CTDSP2: variants seen among roughly 807,000 people sequenced by gnomAD.
CTDSP2 encodes the protein CTD small phosphatase 2, also known as carboxy-terminal domain RNA polymerase II polypeptide A small phosphatase 2.
In CTDSP2, 9 loss-of-function variants were observed where a neutral mutation model predicts 31.6. The ratio of observed to expected loss-of-function variants is 0.28; its 90% confidence interval spans 0.17 to 0.50. The LOEUF is 0.50. Among genes scored for constraint, CTDSP2 ranks in the 20% least tolerant of loss-of-function variants. CTDSP2 has a pLI of 0.98. For missense variants in CTDSP2, 267 were observed against 348.5 expected (o/e 0.77, Z 1.86); for synonymous variants, 134 against 134.5 (o/e 1.00, Z 0.03).
At chr12:57,831,941 C>T (rs905038556) in intron 1 of CTDSP2, among the ~76,000 whole-genome samples, 3 of 152,150 alleles carry the variant, frequency 2.0e-5, no homozygotes, top group Non-Finnish European at 4.4e-5. Context: ...CTGCCAGTAC[C>T]CCCTGGAGAG....
At chr12:57,835,582 G>C (rs920472253) in intron 1 of CTDSP2, among the ~76,000 whole-genome samples, 1 of 152,174 alleles carries the variant, frequency 6.6e-6, no homozygotes, top group Non-Finnish European at 1.5e-5. Flanking sequence ...CGGACACCCA[G>C]CCCTCCTCTT....
intron 1 of CTDSP2, among the ~76,000 whole-genome samples, chr12:57,832,232 C>T (rs1956220200): frequency 6.6e-6 from 1 of 152,196 alleles, no homozygotes; most frequent in African/African-American, 2.4e-5. Flanking sequence ...TGGGGCTTTC[C>T]AGCAATTAGC....
At position 57,824,083 on chromosome 12, in the gene CTDSP2, C is replaced by G. The variant is rs761403823; in HGVS notation, c.511G>C (p.Asp171His). 2.5e-6 allele frequency: 4 copies of G among 1,613,792 alleles called. No homozygotes were observed. The highest frequency in any genetic ancestry group is 3.4e-6 in the Non-Finnish European group (4 of 1,179,934). The change falls in exon 7 of 8, where the codon GAC (aspartate) becomes CAC (histidine). Residue 171 changes from aspartate to histidine, a missense_variant. Asp to His is a moderately conservative substitution (Grantham distance 81). Around this residue, in one of 2 missense-constraint regions of CTDSP2, gnomAD observed 156 missense variants for 241.3 expected, o/e 0.65. Transcript: ENST00000398073. ...CGGTCCAGCAGGTCTGTCACAGGGT[C>G]GGCATACTAGGAGGAGAGAAGATGC... The part of the protein sequence containing the change: ...LFTASLAKYA[D>H]PVTDLLDRCG...
Position 57,823,551 on chromosome 12 carries a change from A to G in CTDSP2, c.*51T>C, listed in dbSNP as rs1321043943. 6.2e-7 allele frequency: 1 copy of G among 1,604,172 alleles called. No homozygotes were observed. The highest frequency in any genetic ancestry group is 8.5e-7 in the Non-Finnish European group (1 of 1,176,058). On this transcript the variant is annotated 3_prime_UTR_variant, in exon 8 of 8. Transcript: ENST00000398073. ...TCTGTCACGCTGATCGTAAAGGCAC[A>G]GTGTGGGAAAGTCCCCTACTGGGAT...
rs1388465654 is a variant in CTDSP2, at chr12:57,830,961, T to C, written c.65-1365A>G. Among the ~76,000 whole-genome samples the C allele has an allele frequency of 6.6e-5, 10 of 151,742 alleles. No homozygotes were observed. The East Asian group carries it at 2.0e-3, about 30-fold the overall frequency. On this transcript the variant is annotated intron_variant, in intron 1 of 7. Transcript: ENST00000398073. ...TGGGGTTTCTCCACGTTGGTCAGGC[T>C]GGTCTTGAACTCCTGACCTCAGGTG...
At chr12:57,844,625 G>C (rs77400978) in intron 1 of CTDSP2, among the ~76,000 whole-genome samples, 1,525 of 152,198 alleles carry the variant, frequency 0.01, 22 homozygotes, top group African/African-American at 0.035. Flanking sequence ...AAAAGGGAGT[G>C]GGAAGAGTCA....
intron 1 of CTDSP2, among the ~76,000 whole-genome samples, chr12:57,844,010 G>A (rs1202408064): frequency 6.6e-6 from 1 of 151,966 alleles, no homozygotes; most frequent in African/African-American, 2.4e-5. Context: ...TGGGCAACTG[G>A]CGAAACCCCT....
chr12:57,839,533 A>G (rs1956269023), intron 1 of CTDSP2, among the ~76,000 whole-genome samples: 1 of 152,172 alleles, frequency 6.6e-6, no homozygotes, highest in Non-Finnish European at 1.5e-5. Flanking sequence ...CCTGGCTAAC[A>G]CAGTGAAACC....
rs531237669 is a variant in CTDSP2, at chr12:57,822,484, G to C, written c.*1118C>G. 4 of 152,506 alleles carry C rather than the reference G, an allele frequency of 2.6e-5. No homozygotes were observed. The highest frequency in any genetic ancestry group is 9.6e-5 in the African/African-American group (4 of 41,586). The allele number at this position is 152,506 out of a possible 1,614,324, so 9.4% of individuals were successfully genotyped here. On this transcript the variant is annotated 3_prime_UTR_variant, in exon 8 of 8. Transcript: ENST00000398073. Reference sequence around the variant, plus strand: ...CAACAGCCAGGAAGGATGAAGGCTGGAACAGACAGAGCTCGGTACAGGACA... The same window carrying C: ...CAACAGCCAGGAAGGATGAAGGCTGCAACAGACAGAGCTCGGTACAGGACA...
At chr12:57,824,818 C>T (rs562312789) in intron 5 of CTDSP2, 60 of 379,200 alleles carry the variant, frequency 1.6e-4, no homozygotes, top group South Asian at 9.6e-4. Context: ...AGACACCCTG[C>T]CGAGTCTTGC....
At position 57,824,071 on chromosome 12, in the gene CTDSP2, C is replaced by G. The variant is rs1354850326; in HGVS notation, c.523G>C (p.Asp175His). The G allele has an allele frequency of 6.2e-7, 1 of 1,613,954 alleles. No homozygotes were observed. Among genetic ancestry groups the G allele is most frequent in the Non-Finnish European group, 8.5e-7 (1 of 1,180,000 alleles). Residue 175 changes from aspartate to histidine, a missense_variant, in exon 7 of 8, where the codon GAC (aspartate) becomes CAC (histidine). Transcript: ENST00000398073. Reference sequence around the variant, plus strand: ...AACACCCCACACCGGTCCAGCAGGTCTGTCACAGGGTCGGCATACTAGGAG... The same window carrying G: ...AACACCCCACACCGGTCCAGCAGGTGTGTCACAGGGTCGGCATACTAGGAG... ...SLAKYADPVT[D>H]LLDRCGVFRA... is the part of the protein sequence containing the mutation.
In CTDSP2 at chr12:57,821,499, CTTAT is replaced by C. The variant is rs1956144610; in HGVS notation, c.*2099_*2102del. 6.6e-6 allele frequency: 1 copy of C among 152,598 alleles called. No homozygotes were observed. The highest frequency in any genetic ancestry group is 2.4e-5 in the African/African-American group (1 of 41,444). 9.5% of individuals were successfully genotyped at this position (152,598 alleles called of 1,614,324 possible). A position where few individuals can be genotyped will look rare whatever the true frequency, so the allele number is the denominator to read the frequency against. On this transcript the variant is annotated 3_prime_UTR_variant, in exon 8 of 8. Coordinates refer to ENST00000398073, the MANE Select transcript of CTDSP2 (RefSeq NM_005730.4). The stretch of plus-strand genomic sequence containing the variant: ...TCAGTCAGCTTAGAGCCTCTTATTG[CTTAT>C]TTAGTCAGAAAAGCCTGGCTGGGCC...
intron 1 of CTDSP2, among the ~76,000 whole-genome samples, chr12:57,843,989 C>T (rs74407126): frequency 6.6e-6 from 1 of 151,622 alleles, no homozygotes; most frequent in Non-Finnish European, 1.5e-5. Context: ...CCTCAGGAGT[C>T]GAGACCAGCC....
At chr12:57,831,947 G>C (rs542138623) in intron 1 of CTDSP2, among the ~76,000 whole-genome samples, 1 of 152,328 alleles carries the variant, frequency 6.6e-6, no homozygotes, top group South Asian at 2.1e-4. Context: ...GTACCCCCTG[G>C]AGAGGAGCAG....
At chr12:57,843,773 G>GT (rs1461271053) in intron 1 of CTDSP2, among the ~76,000 whole-genome samples, 1 of 152,138 alleles carries the variant, frequency 6.6e-6, no homozygotes, top group African/African-American at 2.4e-5. Flanking sequence ...CCCAGCTTTT[G>GT]TTTTTTGTTT....
chr12:57,837,267 C>T (rs1011926186), intron 1 of CTDSP2: 11 of 152,280 alleles, frequency 7.2e-5, no homozygotes, highest in African/African-American at 2.4e-4. Flanking sequence ...CCCCCACACA[C>T]AAAAGACTGC....
intron 1 of CTDSP2, chr12:57,842,199 T>C (rs1956286438): frequency 6.6e-6 from 1 of 152,226 alleles, no homozygotes; most frequent in Non-Finnish European, 1.5e-5. Flanking sequence ...CAATCCCATA[T>C]ATATTTACAT....
rs1449135415 is a variant in CTDSP2 at position 57,846,683 on chromosome 12, C to T, written c.-248G>A. ...CCGATCCCCCAGCGGCAGCTCCGGG[C>T]TCCTCAGTTTGGGTCCAACATGGAG... On this transcript the variant is annotated 5_prime_UTR_variant, in exon 1 of 8. Transcript: ENST00000398073. The T allele has an allele frequency of 1.4e-5, 6 of 427,736 alleles. No individual in the cohort carries two copies. Among genetic ancestry groups the T allele is most frequent in the East Asian group, 4.0e-5 (1 of 24,862 alleles). 26.5% of individuals were successfully genotyped at this position (427,736 alleles called of 1,614,324 possible). A position where few individuals can be genotyped will look rare whatever the true frequency, so the allele number is the denominator to read the frequency against.
At chr12:57,828,311 C>T (rs541752097) in intron 2 of CTDSP2, among the ~76,000 whole-genome samples, 2 of 151,478 alleles carry the variant, frequency 1.3e-5, no homozygotes, top group South Asian at 2.1e-4. Context: ...CCCAGCTACT[C>T]GGGAGACTGA....
Sources: gnomAD v4.1 joint callset for allele counts (sites outside exome capture counted in the v4.1 genomes callset) on GRCh38, gnomAD v4.1.1 for gene constraint, gnomAD v4.1.1 regional missense constraint, MANE v1.5 for transcripts, NCBI Gene and HGNC (gene_info 2026-07-23, HGNC 2026-07-21) for gene names.